LANCL2: variants seen among roughly 807,000 people sequenced by gnomAD.
LANCL2 encodes the protein LanC like glutathione S-transferase 2.
A neutral mutation model predicts 56.9 loss-of-function variants in LANCL2; 33 were observed. The ratio of observed to expected loss-of-function variants is 0.58; its 90% confidence interval spans 0.44 to 0.78. The LOEUF is 0.78. Ranked by LOEUF, LANCL2 falls within the 30% of genes least tolerant of loss-of-function variation. LANCL2 has a pLI of 0.00. For missense variants in LANCL2, 562 were observed against 580.2 expected (o/e 0.97, Z 0.32); for synonymous variants, 233 against 228.2 (o/e 1.02, Z -0.19).
At chr7:55,385,241 G>A (rs796538460) in intron 1 of LANCL2, among the ~76,000 whole-genome samples, 11 of 152,232 alleles carry the variant, frequency 7.2e-5, no homozygotes, top group African/African-American at 2.2e-4. Flanking sequence ...GGTGAGTGGC[G>A]ACTTTCTGGG....
intron 1 of LANCL2, among the ~76,000 whole-genome samples, chr7:55,367,029 T>A (rs1789882427): frequency 1.3e-5 from 2 of 152,166 alleles, no homozygotes; most frequent in Admixed American, 1.3e-4. Context: ...GAGTTTTCTC[T>A]TGTTTCATGA....
rs1239648402 is a variant in LANCL2, at chr7:55,433,479, G to C, written c.*2159G>C. ...TCCAGCTCGGTCCCTCCAGGCAAAG[G>C]AGAAACGGGACTTACTTCACAGGAC... On this transcript the variant is annotated 3_prime_UTR_variant, in exon 9 of 9. Coordinates refer to ENST00000254770, the MANE Select transcript of LANCL2 (RefSeq NM_018697.4). The C allele has an allele frequency of 2.0e-5, 3 of 152,176 alleles. No homozygotes were observed. The highest frequency in any genetic ancestry group is 4.4e-5 in the Non-Finnish European group (3 of 68,034). 9.4% of individuals were successfully genotyped at this position (152,176 alleles called of 1,614,324 possible). A position where few individuals can be genotyped will look rare whatever the true frequency, so the allele number is the denominator to read the frequency against.
chr7:55,428,222 G>A (rs1325366693), intron 7 of LANCL2, 153 bp from the exon 8 acceptor site: 2 of 664,980 alleles, frequency 3.0e-6, no homozygotes, highest in Non-Finnish European at 5.4e-6. Context: ...CTCACCCCTG[G>A]AAGAGGGGGT....
intron 2 of LANCL2, among the ~76,000 whole-genome samples, chr7:55,395,157 A>C (rs1305060826): frequency 1.3e-5 from 2 of 152,230 alleles, no homozygotes; most frequent in Non-Finnish European, 2.9e-5. Flanking sequence ...TTCCCCTTCC[A>C]GGGATTTGTC....
chr7:55,405,744 G>T (rs940963845), intron 5 of LANCL2, among the ~76,000 whole-genome samples: 3 of 151,982 alleles, frequency 2.0e-5, no homozygotes, highest in Admixed American at 2.0e-4. Context: ...GGCTGATTTT[G>T]CTGTATATTA....
intron 1 of LANCL2, among the ~76,000 whole-genome samples, chr7:55,389,367 A>C (rs1309535899): frequency 1.2e-4 from 18 of 152,200 alleles, no homozygotes; most frequent in Non-Finnish European, 1.5e-5. Flanking sequence ...GAGGGACTCT[A>C]AGACTATCAG....
At chr7:55,406,592 G>A (rs909376614) in intron 5 of LANCL2, among the ~76,000 whole-genome samples, 6 of 152,200 alleles carry the variant, frequency 3.9e-5, no homozygotes, top group African/African-American at 1.4e-4. Flanking sequence ...TCTGCTCAGT[G>A]AGTTGGGGGC....
At chr7:55,390,942 TA>T (rs1399626018) in intron 1 of LANCL2, among the ~76,000 whole-genome samples, 6 of 151,842 alleles carry the variant, frequency 4.0e-5, no homozygotes, top group African/African-American at 1.4e-4. Flanking sequence ...TATATATATA[TA>T]TTTTTTAATC....
intron 7 of LANCL2, among the ~76,000 whole-genome samples, chr7:55,425,690 C>T (rs1790656738): frequency 2.0e-5 from 3 of 152,292 alleles, no homozygotes; most frequent in South Asian, 4.1e-4. Context: ...ACCACCTGTG[C>T]CATTTATTGG....
chr7:55,376,363 A>G (rs940234420), intron 1 of LANCL2, among the ~76,000 whole-genome samples: 3 of 152,198 alleles, frequency 2.0e-5, no homozygotes, highest in African/African-American at 7.2e-5. Flanking sequence ...CTCAGGATCC[A>G]CCAGACTCCG....
At chr7:55,411,630 T>C (rs1790470926) in intron 5 of LANCL2, among the ~76,000 whole-genome samples, 1 of 152,214 alleles carries the variant, frequency 6.6e-6, no homozygotes, top group Admixed American at 6.5e-5. Flanking sequence ...ACCTATCTAC[T>C]CCTAGGTTCA....
chr7:55,413,502 A>G (rs1401737744), intron 6 of LANCL2, among the ~76,000 whole-genome samples: 2 of 152,128 alleles, frequency 1.3e-5, no homozygotes, highest in African/African-American at 2.4e-5. Flanking sequence ...CCCTGTGGAG[A>G]GCAAGCAGGT....
intron 6 of LANCL2, among the ~76,000 whole-genome samples, chr7:55,417,520 C>T (rs1454983560): frequency 1.3e-5 from 2 of 152,036 alleles, no homozygotes; most frequent in African/African-American, 4.8e-5. Context: ...AACTTAAGAC[C>T]TCACTTTGTT....
intron 1 of LANCL2, among the ~76,000 whole-genome samples, chr7:55,382,931 C>G (rs1790085485): frequency 6.6e-6 from 1 of 152,196 alleles, no homozygotes; most frequent in African/African-American, 2.4e-5. Flanking sequence ...TGGGAAAGGG[C>G]TGTTATCTTT....
chr7:55,416,669 G>A (rs149738609), intron 6 of LANCL2, among the ~76,000 whole-genome samples: 3 of 151,876 alleles, frequency 2.0e-5, no homozygotes, highest in African/African-American at 7.3e-5. Context: ...ATATGTTCTG[G>A]TTAAAGTCCC....
At position 55,365,489 on chromosome 7, in the gene LANCL2, G is replaced by C. The variant is rs980214072; in HGVS notation, c.-537G>C. 4 of 152,328 alleles carry C rather than the reference G, an allele frequency of 2.6e-5. No homozygotes were observed. The highest frequency in any genetic ancestry group is 5.9e-5 in the Non-Finnish European group (4 of 68,108). 9.4% of individuals were successfully genotyped at this position (152,328 alleles called of 1,614,324 possible). On this transcript the variant is annotated 5_prime_UTR_variant, in exon 1 of 9. Coordinates refer to ENST00000254770, the MANE Select transcript of LANCL2 (RefSeq NM_018697.4). Reference sequence around the variant, plus strand: ...GGCCGGTGAAATGCAGGCTGACGACGGCGCGCCAGGGGCTGAGCTCGCCCC... The same window carrying C: ...GGCCGGTGAAATGCAGGCTGACGACCGCGCGCCAGGGGCTGAGCTCGCCCC...
At chr7:55,404,377 A>G (rs1790380638) in intron 5 of LANCL2, among the ~76,000 whole-genome samples, 1 of 152,218 alleles carries the variant, frequency 6.6e-6, no homozygotes, top group Non-Finnish European at 1.5e-5. Context: ...AAGTCAAAGG[A>G]TATGGATTAG....
chr7:55,404,635 A>G (rs1205662303), intron 5 of LANCL2, among the ~76,000 whole-genome samples: 4 of 148,622 alleles, frequency 2.7e-5, no homozygotes, highest in Non-Finnish European at 5.9e-5. Flanking sequence ...TTTTTTTGAG[A>G]TGGAATCTTG....
intron 7 of LANCL2, among the ~76,000 whole-genome samples, chr7:55,426,260 A>G (rs1014382344): frequency 1.3e-5 from 2 of 152,236 alleles, no homozygotes; most frequent in African/African-American, 4.8e-5. Context: ...GGAGCAGTGC[A>G]TAGCACCGAG....
Sources: allele counts gnomAD v4.1 joint callset (sites outside exome capture counted in the v4.1 genomes callset), GRCh38; gene constraint gnomAD v4.1.1; transcripts MANE v1.5; gene names NCBI Gene and HGNC (gene_info 2026-07-23, HGNC 2026-07-21).